Variants in RPS27L observed in about 807,000 individuals in gnomAD.
RPS27L encodes ribosomal protein S27 like.
In RPS27L, 10 loss-of-function variants were observed where a neutral mutation model predicts 12.8. The observed-to-expected ratio is 0.78, with a 90% CI of 0.48 to 1.33. The LOEUF is 1.33. RPS27L is among the 40% of genes most tolerant of loss of function. RPS27L has a pLI of 0.00. For missense variants in RPS27L, 81 were observed against 97.4 expected, an observed-to-expected ratio of 0.83 and a Z score of 0.71; for synonymous variants, 26 against 32.3, an observed-to-expected ratio of 0.81 and a Z score of 0.66.
intron 1 of RPS27L, chr15:63,156,906 C>A: frequency 2.5e-6 from 1 of 398,464 alleles, no homozygotes; most frequent in South Asian, 3.5e-5. Flanking sequence ...ACAACGTCAG[C>A]GCCTGGGTGA....
At position 63,149,443 on chromosome 15, in the gene RPS27L, T is replaced by C. The variant is rs954562775; in HGVS notation, c.*4589A>G. ...TTAGCCCGGCGTGGTGGCACACGCC[T>C]GTAGTCTCAGGTACTCTGGAGGCTG... On this transcript the variant is annotated 3_prime_UTR_variant, in exon 4 of 4. Transcript: ENST00000330964. 1.3e-5 allele frequency: 2 copies of C among 151,776 alleles called. No individual in the cohort carries two copies. The highest frequency in any genetic ancestry group is 2.9e-5 in the Non-Finnish European group (2 of 68,038). 9.4% of individuals were successfully genotyped at this position (151,776 alleles called of 1,614,324 possible).
rs780819792 is a variant in RPS27L, at chr15:63,157,414, T to C, written c.-9A>G. On this transcript the variant is annotated 5_prime_UTR_variant, in exon 1 of 4. Transcript: ENST00000330964. ...AAACAACTCACAGGCATGTTGATCC[T>C]CTTGCAAGCTCAGCCCTACCAGACC... 1.9e-6 allele frequency: 3 copies of C among 1,614,062 alleles called. No individual in the cohort carries two copies. The highest frequency in any genetic ancestry group is 3.3e-5 in the Admixed American group (2 of 60,010).
At chr15:63,155,302 T>A (rs969823619) in intron 3 of RPS27L, 29 of 227,308 alleles carry the variant, frequency 1.3e-4, no homozygotes, top group African/African-American at 4.6e-4. Context: ...AAAAAAATAA[T>A]AAATAAATAA....
In RPS27L at chr15:63,157,452, CAGCTAG is replaced by C; in HGVS notation, c.-53_-48del. On this transcript the variant is annotated 5_prime_UTR_variant, in exon 1 of 4. Transcript: ENST00000330964. ...GCCCTACCAGACCTCCCAGCCCACA[CAGCTAG>C]CAAGCTGCAAGCGATCTGCGCTCGG... 6.2e-7 allele frequency: 1 copy of C among 1,612,476 alleles called. No individual in the cohort carries two copies. The highest frequency in any genetic ancestry group is 2.2e-5 in the East Asian group (1 of 44,868).
At position 63,152,438 on chromosome 15, in the gene RPS27L, T is replaced by G. The variant is rs895777762; in HGVS notation, c.*1594A>C. 7 of 151,436 alleles carry G rather than the reference T, an allele frequency of 4.6e-5. No individual in the cohort carries two copies. The highest frequency in any genetic ancestry group is 8.8e-5 in the Non-Finnish European group (6 of 67,922). 9.4% of individuals were successfully genotyped at this position (151,436 alleles called of 1,614,324 possible). A position where few individuals can be genotyped will look rare whatever the true frequency, so the allele number is the denominator to read the frequency against. ...CTGAGATTCTAATGATGTCAGAAACTAAAAGTCTGAGAATCTCTGGGTCAT... is the reference window on the plus strand; with the variant it reads ...CTGAGATTCTAATGATGTCAGAAACGAAAAGTCTGAGAATCTCTGGGTCAT... On this transcript the variant is annotated 3_prime_UTR_variant, in exon 4 of 4. Coordinates refer to ENST00000330964, the MANE Select transcript of RPS27L (RefSeq NM_015920.4).
chr15:63,157,153 A>G, intron 1 of RPS27L: 1 of 575,956 alleles, frequency 1.7e-6, no homozygotes, highest in Non-Finnish European at 3.1e-6. Context: ...CTCATAAGCT[A>G]CACAGAGAAC....
Position 63,156,457 on chromosome 15 carries a change from A to G in RPS27L, c.71T>C (p.Leu24Pro). ...EEKKKHKKKR[L>P]VQSPNSYFMD... ...AAAGTAAGAATTTGGACTTTGTACT[A>G]GGCGTTTCTTTTTATGTTTTTTCTT... The change falls in exon 2 of 4, where the codon CTA becomes CCA. Residue 24 changes from leucine to proline, a missense_variant. Leu to Pro is a moderately conservative substitution (Grantham distance 98, BLOSUM62 -3). Coordinates refer to ENST00000330964, the MANE Select transcript of RPS27L (RefSeq NM_015920.4). The G allele has an allele frequency of 6.2e-7, 1 of 1,605,816 alleles. No homozygotes were observed. The highest frequency in any genetic ancestry group is 1.1e-5 in the South Asian group (1 of 89,270).
Sources: gnomAD v4.1 joint callset for allele counts on GRCh38, gnomAD v4.1.1 for gene constraint, MANE v1.5 for transcripts, NCBI Gene and HGNC (gene_info 2026-07-23, HGNC 2026-07-21) for gene names.